Variants in HIVEP3 observed in about 807,000 individuals in gnomAD.
HIVEP3 encodes transcription factor HIVEP3.
In HIVEP3, 49 loss-of-function variants were observed where a neutral mutation model predicts 152.8. That is an observed-to-expected ratio of 0.32 (90% CI 0.26 to 0.41). The LOEUF (loss-of-function observed/expected upper bound fraction) is 0.41, where lower values mean the gene tolerates loss of function less well. Among genes scored for constraint, HIVEP3 ranks in the 10% least tolerant of loss-of-function variants. HIVEP3 has a pLI of 1.00. For missense variants in HIVEP3, 2,790 were observed against 3,103.3 expected, an observed-to-expected ratio of 0.90 and a Z score of 2.40; for synonymous variants, 1,269 against 1,289.0, an observed-to-expected ratio of 0.98 and a Z score of 0.33.
chr1:41,525,273 C>T (rs1642868510), intron 5 of HIVEP3, among the ~76,000 whole-genome samples: 1 of 145,224 alleles, frequency 6.9e-6, no homozygotes, highest in African/African-American at 2.6e-5. Context: ...CCACCAGAGT[C>T]CCAGAGAGGG....
chr1:41,528,858 C>T (rs1643122674), intron 5 of HIVEP3, among the ~76,000 whole-genome samples: 1 of 140,736 alleles, frequency 7.1e-6, no homozygotes, highest in Non-Finnish European at 1.6e-5. Context: ...TTACACTCAC[C>T]TTCACACACT....
intron 1 of HIVEP3, among the ~76,000 whole-genome samples, chr1:42,019,972 A>G (rs1344103278): frequency 6.6e-6 from 1 of 151,906 alleles, no homozygotes; most frequent in Non-Finnish European, 1.5e-5. Context: ...GTATATTTTT[A>G]CTCCTTTATT....
At chr1:41,894,347 C>T (rs1416281108) in intron 1 of HIVEP3, among the ~76,000 whole-genome samples, 1 of 152,192 alleles carries the variant, frequency 6.6e-6, no homozygotes, top group Non-Finnish European at 1.5e-5. Context: ...ATTCAGCAAT[C>T]TGGAGCCACA....
chr1:41,623,911 G>A (rs1645080383), intron 3 of HIVEP3, among the ~76,000 whole-genome samples: 1 of 151,838 alleles, frequency 6.6e-6, no homozygotes, highest in African/African-American at 2.4e-5. Context: ...TCAGAGTGAC[G>A]TGTATGCTCC....
At chr1:41,906,556 A>G (rs1644713855) in intron 1 of HIVEP3, among the ~76,000 whole-genome samples, 1 of 152,210 alleles carries the variant, frequency 6.6e-6, no homozygotes, top group South Asian at 2.1e-4. Flanking sequence ...TAAGTGTGAC[A>G]GGCATGAAGA....
chr1:41,718,650 A>T (rs1277869262), intron 1 of HIVEP3, among the ~76,000 whole-genome samples: 1 of 152,014 alleles, frequency 6.6e-6, no homozygotes, highest in Admixed American at 6.6e-5. Context: ...TTTCACTCTC[A>T]CCTCCAGAGA....
In HIVEP3 at chr1:41,510,985, G is replaced by A. The variant is rs1644446069; in HGVS notation, c.6687C>T (p.Gly2229=). 2 of 1,613,492 alleles carry A rather than the reference G, an allele frequency of 1.2e-6. No individual in the cohort carries two copies. Among genetic ancestry groups the A allele is most frequent in the South Asian group, 2.2e-5 (2 of 91,052 alleles). ...CCTCCCGGGCCCCTGTCAGGTCGCT[G>A]CCACCCCCGGAGAAGCCACTGACCC... The part of the protein sequence containing the change: ...AAWVSGFSGG[G]SDLTGAREAQ... Residue 2229 remains glycine (G), a synonymous_variant, in exon 9 of 9, where the codon GGC becomes GGT. Transcript: ENST00000372583.
chr1:41,850,571 T>C (rs1220048323), intron 1 of HIVEP3, among the ~76,000 whole-genome samples: 1 of 152,204 alleles, frequency 6.6e-6, no homozygotes, highest in Non-Finnish European at 1.5e-5. Context: ...TTGTCGTCAT[T>C]AGAGTCACAA....
intron 1 of HIVEP3, among the ~76,000 whole-genome samples, chr1:41,931,836 T>G (rs1369233863): frequency 6.6e-6 from 1 of 151,986 alleles, no homozygotes; most frequent in Non-Finnish European, 1.5e-5. Flanking sequence ...CACTTATTAG[T>G]CCTAGAAACT....
intron 5 of HIVEP3, among the ~76,000 whole-genome samples, chr1:41,536,704 T>A (rs188061508): frequency 2.1e-4 from 32 of 151,886 alleles, no homozygotes; most frequent in Admixed American, 8.5e-4. Context: ...TTCAGATTTT[T>A]AAAAAAAAAC....
intron 1 of HIVEP3, among the ~76,000 whole-genome samples, chr1:41,853,816 C>T (rs552025406): frequency 6.6e-6 from 1 of 152,250 alleles, no homozygotes; most frequent in South Asian, 2.1e-4. Context: ...CCAAGGCGAA[C>T]CTGCCACAAG....
intron 1 of HIVEP3, among the ~76,000 whole-genome samples, chr1:41,928,307 G>A (rs1389529890): frequency 6.6e-6 from 1 of 151,896 alleles, no homozygotes; most frequent in Admixed American, 6.6e-5. Flanking sequence ...ATAGCACAGA[G>A]GATTCTTCAT....
In HIVEP3 at chr1:41,609,480, A is replaced by G. The variant is rs182448329; in HGVS notation, c.-522+19269T>C. 7.5e-3 allele frequency among the ~76,000 whole-genome samples: 1,137 copies of G among 152,382 alleles called. 9 individuals are homozygous for G. Among genetic ancestry groups the G allele is most frequent in the Non-Finnish European group, 0.014 (923 of 68,046 alleles). ...TTGCCTTTGGAGGTGGATAATCAGC[A>G]AAGTCCCTGTACACTGTCAGCTACC... On this transcript the variant is annotated intron_variant, in intron 3 of 8. Coordinates refer to ENST00000372583, the MANE Select transcript of HIVEP3 (RefSeq NM_024503.5).
chr1:41,751,596 G>A (rs1647164554), intron 1 of HIVEP3, among the ~76,000 whole-genome samples: 1 of 152,110 alleles, frequency 6.6e-6, no homozygotes, highest in Admixed American at 6.5e-5. Flanking sequence ...ACCTTCAGGT[G>A]TGCGTTCTTC....
intron 1 of HIVEP3, among the ~76,000 whole-genome samples, chr1:41,969,180 G>C (rs554653255): frequency 1.3e-5 from 2 of 152,040 alleles, no homozygotes; most frequent in Admixed American, 1.3e-4. Flanking sequence ...AACTACCATT[G>C]ACATTCTTCT....
intron 1 of HIVEP3, among the ~76,000 whole-genome samples, chr1:41,933,808 C>T (rs1420865402): frequency 6.6e-6 from 1 of 151,806 alleles, no homozygotes; most frequent in Non-Finnish European, 1.5e-5. Flanking sequence ...TTCTATTGTT[C>T]TGATTAAGCT....
chr1:41,991,780 C>T lies in HIVEP3; in HGVS notation n.119+44027G>A, dbSNP rs1343806238. On this transcript the variant is annotated intron_variant and non_coding_transcript_variant, in intron 1 of 3. Transcript: ENST00000489103. Reference sequence around the variant, plus strand: ...TACTGGCAAAACGAATCCAGCAGCACATCAAAAAGCTTATCCACCATGATC... The same window carrying T: ...TACTGGCAAAACGAATCCAGCAGCATATCAAAAAGCTTATCCACCATGATC... Among the ~76,000 whole-genome samples the T allele has an allele frequency of 4.2e-3, 586 of 140,326 alleles. 2 individuals are homozygous for T. The highest frequency in any genetic ancestry group is 7.3e-3 in the Middle Eastern group (2 of 274). 92.1% of individuals were successfully genotyped at this position (140,326 alleles called of 152,430 possible). A position where few individuals can be genotyped will look rare whatever the true frequency, so the allele number is the denominator to read the frequency against.
intron 1 of HIVEP3, among the ~76,000 whole-genome samples, chr1:41,887,003 G>A (rs112496071): frequency 4.5e-4 from 68 of 151,282 alleles, no homozygotes; most frequent in African/African-American, 1.3e-3. Context: ...CAAACCTATG[G>A]CAGTAAAACA....
rs143991490 is a variant in HIVEP3 at position 41,526,095 on chromosome 1, C to T, written c.5208-1185G>A. On this transcript the variant is annotated intron_variant, in intron 5 of 8. Coordinates refer to ENST00000372583, the MANE Select transcript of HIVEP3 (RefSeq NM_024503.5). The stretch of plus-strand genomic sequence containing the variant: ...AGGAGGTGAGCAAGGGACAGCGTGT[C>T]GGGGCGGGGGGGCTCCACCCTGCTC... Among the ~76,000 whole-genome samples, 333 of 152,020 alleles carry T rather than the reference C, an allele frequency of 2.2e-3. 1 individual carries two copies. Among genetic ancestry groups the T allele is most frequent in the South Asian group, 5.6e-3 (27 of 4,824 alleles).
Sources: allele counts gnomAD v4.1 joint callset (sites outside exome capture counted in the v4.1 genomes callset), GRCh38; gene constraint gnomAD v4.1.1; transcripts MANE v1.5; gene names NCBI Gene and HGNC (gene_info 2026-07-23, HGNC 2026-07-21).